The following CFAP20DC variants were observed in gnomAD, a reference collection of about 807,000 sequenced individuals.
CFAP20DC encodes the protein CFAP20 domain containing, also known as protein CFAP20DC.
In CFAP20DC, 84 loss-of-function variants were observed where a neutral mutation model predicts 101.7. That is an observed-to-expected ratio of 0.83 (90% CI 0.69 to 0.99). CFAP20DC has a LOEUF of 0.99. Among genes scored for constraint, CFAP20DC ranks in the 50% least tolerant of loss-of-function variants. The probability of loss-of-function intolerance (pLI) is 0.00; values close to 1 mark genes in which losing one functional copy is unlikely to be tolerated. For synonymous variants in CFAP20DC, 359 were observed against 351.2 expected, an observed-to-expected ratio of 1.02 and a Z score of -0.25; for missense variants, 1,007 against 970.3, an observed-to-expected ratio of 1.04 and a Z score of -0.50.
At chr3:58,932,149 G>A (rs536679465) in intron 5 of CFAP20DC, among the ~76,000 whole-genome samples, 4 of 152,314 alleles carry the variant, frequency 2.6e-5, no homozygotes, top group Admixed American at 6.5e-5. Context: ...GAGCCCATGC[G>A]ATCAACTGGA....
intron 7 of CFAP20DC, among the ~76,000 whole-genome samples, chr3:58,879,585 A>T (rs1246684215): frequency 6.6e-6 from 1 of 152,220 alleles, no homozygotes; most frequent in Non-Finnish European, 1.5e-5. Flanking sequence ...GGTGCTAGGA[A>T]TACAACAATA....
intron 15 of CFAP20DC, among the ~76,000 whole-genome samples, chr3:58,771,624 A>G (rs1166614437): frequency 6.6e-6 from 1 of 152,106 alleles, no homozygotes; most frequent in Non-Finnish European, 1.5e-5. Context: ...GTCCTTAAAA[A>G]CAGGGCATAA....
intron 13 of CFAP20DC, among the ~76,000 whole-genome samples, chr3:58,834,376 G>T (rs1233560694): frequency 3.9e-5 from 6 of 152,100 alleles, no homozygotes; most frequent in Admixed American, 3.9e-4. Context: ...GCTCATCATT[G>T]CCAATACACA....
At chr3:58,839,781 A>C (rs2076975530) in intron 13 of CFAP20DC, among the ~76,000 whole-genome samples, 1 of 152,150 alleles carries the variant, frequency 6.6e-6, no homozygotes, top group Non-Finnish European at 1.5e-5. Context: ...GAGAACTTGA[A>C]ATTTCTCCTC....
At chr3:58,781,720 T>A (rs964000441) in intron 15 of CFAP20DC, among the ~76,000 whole-genome samples, 8 of 151,818 alleles carry the variant, frequency 5.3e-5, no homozygotes, top group African/African-American at 1.9e-4. Context: ...ATACAAACTA[T>A]CAAGATTAAA....
At chr3:58,824,987 A>G (rs1219233088) in intron 14 of CFAP20DC, among the ~76,000 whole-genome samples, 1 of 152,074 alleles carries the variant, frequency 6.6e-6, no homozygotes, top group Non-Finnish European at 1.5e-5. Flanking sequence ...ATTAACCTGA[A>G]GGAATGACAG....
chr3:58,737,130 TAAG>T, downstream of CFAP20DC: 4 of 454,186 alleles, frequency 8.8e-6, no homozygotes, highest in South Asian at 6.3e-5. The surrounding 1 kb of genome is among the most constrained non-coding windows in gnomAD (Gnocchi z 4.1). Context: ...GCCTCAGACT[TAAG>T]AAATGTTCAG....
chr3:58,927,257 G>A (rs922884372), intron 5 of CFAP20DC, among the ~76,000 whole-genome samples: 3 of 152,108 alleles, frequency 2.0e-5, no homozygotes, highest in Non-Finnish European at 4.4e-5. Context: ...TCATTTTGGT[G>A]TGGCTAGAAG....
chr3:58,969,913 G>T (rs1361982767), intron 4 of CFAP20DC, among the ~76,000 whole-genome samples: 1 of 152,098 alleles, frequency 6.6e-6, no homozygotes, highest in Non-Finnish European at 1.5e-5. Flanking sequence ...TTTTCAGGGT[G>T]ATGAAAACAT....
chr3:58,890,347 C>T (rs533107469), intron 6 of CFAP20DC, among the ~76,000 whole-genome samples: 115 of 136,496 alleles, frequency 8.4e-4, no homozygotes, highest in African/African-American at 2.8e-3. Context: ...GGCGGCTGGC[C>T]GGGCAGAGGG....
At chr3:58,838,475 T>C (rs1002303810) in intron 13 of CFAP20DC, among the ~76,000 whole-genome samples, 3 of 152,186 alleles carry the variant, frequency 2.0e-5, no homozygotes, top group African/African-American at 7.2e-5. Flanking sequence ...ATGTCTCAGG[T>C]AGAAGATTCT....
At chr3:59,034,382 A>T (rs1185198912) in intron 4 of CFAP20DC, among the ~76,000 whole-genome samples, 1 of 152,222 alleles carries the variant, frequency 6.6e-6, no homozygotes, top group East Asian at 1.9e-4. Flanking sequence ...AATGCCCCCA[A>T]TTAAGACACA....
chr3:58,808,576 G>T (rs1321043750), intron 14 of CFAP20DC, among the ~76,000 whole-genome samples: 1 of 152,178 alleles, frequency 6.6e-6, no homozygotes, highest in Non-Finnish European at 1.5e-5. Flanking sequence ...GCTAAACATG[G>T]AAAGGACCAA....
chr3:58,841,368 C>A (rs992701971), intron 13 of CFAP20DC, among the ~76,000 whole-genome samples: 18 of 151,998 alleles, frequency 1.2e-4, no homozygotes, highest in South Asian at 2.1e-4. Flanking sequence ...GTATTATATA[C>A]CCTAGAAAAG....
chr3:58,938,906 A>C (rs1379635312), intron 4 of CFAP20DC, among the ~76,000 whole-genome samples: 1 of 152,228 alleles, frequency 6.6e-6, no homozygotes, highest in Non-Finnish European at 1.5e-5. Context: ...TTTAAAATAC[A>C]ACGTCTTTCA....
chr3:59,000,836 A>G (rs962260716), intron 4 of CFAP20DC, among the ~76,000 whole-genome samples: 2 of 152,132 alleles, frequency 1.3e-5, no homozygotes, highest in Admixed American at 1.3e-4. Flanking sequence ...AAGAGATACC[A>G]ACTGAGTTGA....
At chr3:58,748,245 C>A (rs976024208) in intron 16 of CFAP20DC, among the ~76,000 whole-genome samples, 3 of 152,172 alleles carry the variant, frequency 2.0e-5, no homozygotes, top group African/African-American at 4.8e-5. Flanking sequence ...CTGAAGCCAA[C>A]AGAGCCCATA....
At chr3:59,012,935 A>C (rs1359854102) in intron 4 of CFAP20DC, among the ~76,000 whole-genome samples, 3 of 152,192 alleles carry the variant, frequency 2.0e-5, no homozygotes, top group African/African-American at 7.2e-5. Context: ...CTACATAAGG[A>C]CATAAGTAAA....
In CFAP20DC at chr3:58,861,870, A is replaced by G. The variant is rs534431524; in HGVS notation, c.1593+1688T>C. 1 of 985,472 alleles carries G rather than the reference A, an allele frequency of 1.0e-6. No individual in the cohort carries two copies. Among genetic ancestry groups the G allele is most frequent in the South Asian group, 4.7e-5 (1 of 21,288 alleles). The allele number at this position is 985,472 out of a possible 1,614,324, so 61.0% of individuals were successfully genotyped here. On this transcript the variant is annotated intron_variant, in intron 12 of 16. Coordinates refer to ENST00000482387, the MANE Select transcript of CFAP20DC (RefSeq NM_001394063.1). The surrounding 1 kb of genome is among the most constrained non-coding windows in gnomAD (Gnocchi z 4.0). ...CTGCCAGTGAAAGCTTGGGTAATGC[A>G]TGATAAATTTGTTTTCAATTTTATG...
Sources: gnomAD v4.1 joint callset for allele counts (sites outside exome capture counted in the v4.1 genomes callset) on GRCh38, gnomAD v4.1.1 for gene constraint, Gnocchi (gnomAD v3.1) non-coding constraint, MANE v1.5 for transcripts, NCBI Gene and HGNC (gene_info 2026-07-23, HGNC 2026-07-21) for gene names.